Variants in SHISA6 observed in about 807,000 individuals in gnomAD.
The protein encoded by SHISA6 is protein shisa-6.
In SHISA6, 22 loss-of-function variants were observed where a neutral mutation model predicts 47.9. That is an observed-to-expected ratio of 0.46 (90% CI 0.33 to 0.66). SHISA6 has a LOEUF of 0.66. Ranked by LOEUF, SHISA6 falls within the 30% of genes least tolerant of loss-of-function variation. The pLI is 0.02. For missense variants in SHISA6, 680 were observed against 764.6 expected (o/e 0.89, Z 1.30); for synonymous variants, 388 against 337.8 (o/e 1.15, Z -1.63).
chr17:11,251,784 C>T (rs1410362348), intron 1 of SHISA6, among the ~76,000 whole-genome samples: 6 of 152,128 alleles, frequency 3.9e-5, no homozygotes, highest in East Asian at 3.9e-4. Flanking sequence ...TCTCTGTTTC[C>T]GGTTCTCTCA....
chr17:11,420,472 T>A (rs1030229076), intron 3 of SHISA6, among the ~76,000 whole-genome samples: 1 of 152,114 alleles, frequency 6.6e-6, no homozygotes, highest in Non-Finnish European at 1.5e-5. Flanking sequence ...GATCTTCCAG[T>A]GGTAGAGTTT....
At chr17:11,461,637 A>AG (rs1487327562) in intron 3 of SHISA6, among the ~76,000 whole-genome samples, 1 of 152,188 alleles carries the variant, frequency 6.6e-6, no homozygotes, top group East Asian at 1.9e-4. Context: ...AAGGCAGAGC[A>AG]GGGTAAGCAG....
At chr17:11,460,416 A>G (rs1050408715) in intron 3 of SHISA6, among the ~76,000 whole-genome samples, 2 of 152,184 alleles carry the variant, frequency 1.3e-5, no homozygotes, top group African/African-American at 4.8e-5. Flanking sequence ...TTTGAGATGC[A>G]GTTTCACTCT....
intron 3 of SHISA6, chr17:11,380,458 G>C (rs1359572891): frequency 1.3e-5 from 2 of 152,122 alleles, no homozygotes; most frequent in African/African-American, 4.8e-5. Flanking sequence ...GTTTATCGAG[G>C]ATACAGGTGG....
At chr17:11,263,227 G>T (rs529395954) in intron 1 of SHISA6, 139 bp from the exon 2 acceptor site, 1 of 868,136 alleles carries the variant, frequency 1.2e-6, no homozygotes, top group African/African-American at 1.7e-5. Flanking sequence ...AGATGTAGCT[G>T]ACTATTGAGA....
chr17:11,319,423 G>T (rs1043765018), intron 2 of SHISA6, among the ~76,000 whole-genome samples: 3 of 152,110 alleles, frequency 2.0e-5, no homozygotes, highest in Non-Finnish European at 4.4e-5. Context: ...TGGTGTAATA[G>T]TCTCTCAAAG....
At chr17:11,461,041 T>C (rs763037797) in intron 3 of SHISA6, among the ~76,000 whole-genome samples, 1 of 152,216 alleles carries the variant, frequency 6.6e-6, no homozygotes, top group African/African-American at 2.4e-5. Flanking sequence ...ATTACTAGTA[T>C]GTACAAAGAG....
At chr17:11,530,895 ATGGAAC>A (rs752906161) in intron 3 of SHISA6, among the ~76,000 whole-genome samples, 13 of 150,824 alleles carry the variant, frequency 8.6e-5, no homozygotes, top group Non-Finnish European at 1.6e-4. Context: ...TTCACCATGG[ATGGAAC>A]TGCACGGCAA....
chr17:11,338,581 T>G (rs916032341), intron 2 of SHISA6, among the ~76,000 whole-genome samples: 10 of 152,048 alleles, frequency 6.6e-5, no homozygotes, highest in African/African-American at 2.4e-4. Flanking sequence ...TTTGTATTTT[T>G]TTTTTTTTTA....
chr17:11,423,326 T>TATAGATAG (rs57338481), intron 3 of SHISA6, among the ~76,000 whole-genome samples: 6,719 of 142,598 alleles, frequency 0.047, 184 homozygotes, highest in South Asian at 0.079. Flanking sequence ...GTAACATATA[T>TATAGATAG]ATAGATAGAT....
intron 3 of SHISA6, among the ~76,000 whole-genome samples, chr17:11,459,297 C>G (rs1597527437): frequency 6.6e-6 from 1 of 152,180 alleles, no homozygotes; most frequent in African/African-American, 2.4e-5. Context: ...CCTCCCCTAC[C>G]CTCCTACACT....
rs916451132 is a variant in SHISA6, at chr17:11,263,430, A to C, written c.703A>C (p.Ile235Leu). The change falls in exon 2 of 6, where the codon ATC becomes CTC. Residue 235 changes from isoleucine to leucine, a missense_variant. Transcript: ENST00000441885. ...IPIAHCERET[I>L]SAIDTSPKEN... ...CATAGCACACTGTGAAAGAGAAACTATCTCGGCTATCGATACCTCTCCCAA... is the reference window on the plus strand; with the variant it reads ...CATAGCACACTGTGAAAGAGAAACTCTCTCGGCTATCGATACCTCTCCCAA... 2.6e-6 allele frequency: 4 copies of C among 1,551,964 alleles called. No homozygotes were observed. The highest frequency in any genetic ancestry group is 2.0e-5 in the Admixed American group (1 of 51,006).
rs3038696 is a variant in SHISA6, at chr17:11,533,587, A to ATTTTTTT, written c.896-18292_896-18286dup. 7.4e-4 allele frequency among the ~76,000 whole-genome samples: 70 copies of ATTTTTTT among 95,018 alleles called. 1 individual carries two copies. The highest frequency in any genetic ancestry group is 1.6e-3 in the African/African-American group (41 of 26,136). The allele number at this position is 95,018 out of a possible 152,430, so 62.3% of individuals were successfully genotyped here. On this transcript the variant is annotated intron_variant, in intron 3 of 5. Coordinates refer to ENST00000441885, the MANE Select transcript of SHISA6 (RefSeq NM_207386.4). The stretch of plus-strand genomic sequence containing the variant: ...TTCTTTTTGAAGCTTCCCTTTCATT[A>ATTTTTTT]TTTTTTTTTTTTTTTTTTTTTTTGA...
chr17:11,396,169 T>A lies in SHISA6; in HGVS notation c.895+16660T>A, dbSNP rs560108184. ...TCATAGACTTTCCCCTTAGATCTGT[T>A]TTTTTGTTTTATAATTTAAATGGAT... On this transcript the variant is annotated intron_variant, in intron 3 of 5. Transcript: ENST00000441885. Among the ~76,000 whole-genome samples, 3 of 152,332 alleles carry A rather than the reference T, an allele frequency of 2.0e-5. No individual in the cohort carries two copies. In the East Asian group the frequency reaches 5.8e-4, roughly 29 times the overall value.
chr17:11,242,336 A>G (rs1359908747), intron 1 of SHISA6, among the ~76,000 whole-genome samples: 1 of 152,194 alleles, frequency 6.6e-6, no homozygotes, highest in Non-Finnish European at 1.5e-5. Flanking sequence ...GAATGTTACA[A>G]ATTCTGTAAT....
chr17:11,557,892 G>C lies in SHISA6; in HGVS notation c.1244G>C (p.Arg415Pro). ...AGGGAACGACCCCGCCGGCCCATCC[G>C]GGCCATGTCCCAGGACAGGGTCCTG... ...LPRERPRRPI[R>P]AMSQDRVLSP... is the part of the protein sequence containing the mutation. Residue 415 changes from arginine (R) to proline (P), a missense_variant, in exon 6 of 6, where the codon CGG (arginine) becomes CCG (proline). This residue lies in a region of SHISA6 where 559 missense variants were observed against 674.1 expected (regional missense o/e 0.83). Coordinates refer to ENST00000441885, the MANE Select transcript of SHISA6 (RefSeq NM_207386.4). 3 of 1,551,542 alleles carry C rather than the reference G, an allele frequency of 1.9e-6. No individual in the cohort carries two copies. The highest frequency in any genetic ancestry group is 2.6e-6 in the Non-Finnish European group (3 of 1,146,998).
chr17:11,495,771 T>C (rs1032488981), intron 3 of SHISA6, among the ~76,000 whole-genome samples: 13 of 152,194 alleles, frequency 8.5e-5, no homozygotes, highest in African/African-American at 3.1e-4. Flanking sequence ...TGGGCTAACA[T>C]TCTGTAGGTC....
chr17:11,372,594 T>G (rs916201377), intron 2 of SHISA6, among the ~76,000 whole-genome samples: 2 of 152,142 alleles, frequency 1.3e-5, no homozygotes, highest in African/African-American at 2.4e-5. Flanking sequence ...ATATTTTTAA[T>G]GTGTTTTTTC....
At chr17:11,540,520 TCTA>T (rs555223151) in intron 3 of SHISA6, among the ~76,000 whole-genome samples, 206 of 152,286 alleles carry the variant, frequency 1.4e-3, no homozygotes, top group African/African-American at 4.8e-3. Context: ...AGCTCTCACT[TCTA>T]CTAGTCCTGG....
Sources: gnomAD v4.1 joint callset for allele counts (sites outside exome capture counted in the v4.1 genomes callset) on GRCh38, gnomAD v4.1.1 for gene constraint, gnomAD v4.1.1 regional missense constraint, MANE v1.5 for transcripts, NCBI Gene and HGNC (gene_info 2026-07-23, HGNC 2026-07-21) for gene names.